Variants in PCSK5 observed in about 807,000 individuals in gnomAD.
PCSK5 encodes the protein proprotein convertase subtilisin/kexin type 5.
A neutral mutation model predicts 233.2 loss-of-function variants in PCSK5; 129 were observed. That is an observed-to-expected ratio of 0.55 (90% CI 0.48 to 0.64). The LOEUF (loss-of-function observed/expected upper bound fraction) is 0.64, where lower values mean the gene tolerates loss of function less well. PCSK5 is among the 30% of genes least tolerant of loss of function. PCSK5 has a pLI of 0.00. For synonymous variants in PCSK5, 825 were observed against 879.2 expected, an observed-to-expected ratio of 0.94 and a Z score of 1.09; for missense variants, 2,076 against 2,430.1, an observed-to-expected ratio of 0.85 and a Z score of 3.06.
intron 1 of PCSK5, among the ~76,000 whole-genome samples, chr9:75,916,934 G>C (rs1020709439): frequency 6.6e-6 from 1 of 152,076 alleles, no homozygotes; most frequent in Non-Finnish European, 1.5e-5. Context: ...ACTTTGGGAG[G>C]CCAAGGCGGG....
intron 2 of PCSK5, among the ~76,000 whole-genome samples, chr9:75,959,004 G>A (rs1825218578): frequency 6.6e-6 from 1 of 152,182 alleles, no homozygotes; most frequent in Non-Finnish European, 1.5e-5. Flanking sequence ...GGCAGAAATA[G>A]AAACTTAGGG....
intron 1 of PCSK5, among the ~76,000 whole-genome samples, chr9:75,907,712 G>A (rs575659475): frequency 6.6e-6 from 1 of 152,250 alleles, no homozygotes; most frequent in African/African-American, 2.4e-5. Context: ...ATCTCCTTGG[G>A]GTGGCAGTGA....
rs191911686 is a variant in PCSK5, at chr9:76,168,337, C to T, written c.1620-1367C>T. ...CTAATTTTTGTATTTTTAGTAGAGA[C>T]GGGGTTTCACCATGTTGGCCAGACT... is the stretch of plus-strand genomic sequence containing the variant. On this transcript the variant is annotated intron_variant, in intron 12 of 37. Transcript: ENST00000674117. Among the ~76,000 whole-genome samples, 20 of 152,190 alleles carry T rather than the reference C, an allele frequency of 1.3e-4. No homozygotes were observed. In the East Asian group the frequency reaches 3.5e-3, roughly 26 times the overall value.
intron 2 of PCSK5, among the ~76,000 whole-genome samples, chr9:75,941,362 C>T (rs1303416938): frequency 3.3e-5 from 5 of 152,122 alleles, no homozygotes; most frequent in Admixed American, 1.3e-4. Context: ...GTGTTTTCTT[C>T]GGGTACGTAC....
Position 76,023,718 on chromosome 9 carries a change from G to A in PCSK5, c.412-20G>A, listed in dbSNP as rs140598400. 8.2e-6 allele frequency: 13 copies of A among 1,584,416 alleles called. No individual in the cohort carries two copies. In the African/African-American group the frequency reaches 1.4e-4, roughly 17 times the overall value. On this transcript the variant is annotated intron_variant, in intron 3 of 37. Coordinates refer to ENST00000674117, the MANE Select transcript of PCSK5 (RefSeq NM_001372043.1). The stretch of plus-strand genomic sequence containing the variant: ...TTCCTCACTATTTAGTAATCTTGCA[G>A]CATGCTCTTCTTCTTTCAGCACTGC...
chr9:75,973,798 C>A (rs1225670892), intron 2 of PCSK5, among the ~76,000 whole-genome samples: 1 of 152,190 alleles, frequency 6.6e-6, no homozygotes, highest in Non-Finnish European at 1.5e-5. Flanking sequence ...TGGTCAAGGC[C>A]AACTCTCATT....
chr9:76,290,098 T>C (rs887000422), intron 24 of PCSK5, among the ~76,000 whole-genome samples: 3 of 152,320 alleles, frequency 2.0e-5, no homozygotes, highest in East Asian at 1.9e-4. Context: ...GAGTCAAATA[T>C]GTTCATTAGG....
chr9:76,298,640 T>A (rs1828514995), intron 27 of PCSK5, among the ~76,000 whole-genome samples: 1 of 79,564 alleles, frequency 1.3e-5, no homozygotes, highest in Admixed American at 1.5e-4. Context: ...TTCTCCTGAC[T>A]TCTTTTGCTT....
At chr9:76,290,913 T>A (rs1000783129) in intron 24 of PCSK5, among the ~76,000 whole-genome samples, 1 of 152,234 alleles carries the variant, frequency 6.6e-6, no homozygotes, top group Non-Finnish European at 1.5e-5. Context: ...ACAACCATCT[T>A]GTCCAACCAG....
At chr9:75,945,043 A>C (rs1181940817) in intron 2 of PCSK5, among the ~76,000 whole-genome samples, 1 of 151,736 alleles carries the variant, frequency 6.6e-6, no homozygotes, top group East Asian at 1.9e-4. Context: ...CGGGAGGTGG[A>C]GGTTGTGGTG....
intron 24 of PCSK5, among the ~76,000 whole-genome samples, chr9:76,241,092 G>A (rs1240337630): frequency 6.6e-6 from 1 of 152,158 alleles, no homozygotes; most frequent in Non-Finnish European, 1.5e-5. Flanking sequence ...TAACTCACTT[G>A]ATGTGTAAAA....
At chr9:76,111,588 A>AT (rs551509061) in intron 9 of PCSK5, among the ~76,000 whole-genome samples, 42 of 150,246 alleles carry the variant, frequency 2.8e-4, no homozygotes, top group Non-Finnish European at 5.6e-4. Flanking sequence ...TTTTTTCTGG[A>AT]TTTTTTTTGG....
chr9:76,139,582 G>A (rs746801128), intron 10 of PCSK5, among the ~76,000 whole-genome samples: 14 of 151,880 alleles, frequency 9.2e-5, no homozygotes, highest in Non-Finnish European at 1.9e-4. Flanking sequence ...AAAGACAGAG[G>A]GAAGTAAATA....
At chr9:75,999,674 C>A (rs1827182725) in intron 3 of PCSK5, among the ~76,000 whole-genome samples, 1 of 152,346 alleles carries the variant, frequency 6.6e-6, no homozygotes, top group East Asian at 1.9e-4. Flanking sequence ...AAATCCACAA[C>A]CTTCCAGCTT....
At chr9:76,298,706 A>C (rs1036620861) in intron 27 of PCSK5, among the ~76,000 whole-genome samples, 1 of 152,180 alleles carries the variant, frequency 6.6e-6, no homozygotes, top group African/African-American at 2.4e-5. Context: ...GAGAACAAGC[A>C]CTAATTAGCC....
At chr9:76,113,236 G>T (rs955141187) in intron 9 of PCSK5, among the ~76,000 whole-genome samples, 1 of 152,098 alleles carries the variant, frequency 6.6e-6, no homozygotes, top group Non-Finnish European at 1.5e-5. Flanking sequence ...TCTACCTTTT[G>T]TCTTTGGAGG....
chr9:76,030,488 A>G lies in PCSK5; in HGVS notation c.632+3451A>G, dbSNP rs530775571. On this transcript the variant is annotated intron_variant, in intron 5 of 37. Coordinates refer to ENST00000674117, the MANE Select transcript of PCSK5 (RefSeq NM_001372043.1). The stretch of plus-strand genomic sequence containing the variant: ...TACCTCTGTGACACACAATAATCCA[A>G]CATAACAATTATAATTATTACTGAT... Among the ~76,000 whole-genome samples the G allele has an allele frequency of 4.6e-5, 7 of 152,310 alleles. No individual in the cohort carries two copies. In the East Asian group the frequency reaches 1.4e-3, roughly 29 times the overall value.
chr9:76,076,274 G>C (rs1007078498), intron 7 of PCSK5, among the ~76,000 whole-genome samples: 4 of 152,098 alleles, frequency 2.6e-5, no homozygotes, highest in Non-Finnish European at 4.4e-5. Context: ...GGAGGGGAAG[G>C]CAGGGGCCAG....
chr9:76,009,531 G>A (rs1445005473), intron 3 of PCSK5, among the ~76,000 whole-genome samples: 1 of 151,766 alleles, frequency 6.6e-6, no homozygotes, highest in Non-Finnish European at 1.5e-5. Context: ...GGAGGCTGAG[G>A]CAGGAGAATC....
Sources: gnomAD v4.1 joint callset for allele counts (sites outside exome capture counted in the v4.1 genomes callset) on GRCh38, gnomAD v4.1.1 for gene constraint, MANE v1.5 for transcripts, NCBI Gene and HGNC (gene_info 2026-07-23, HGNC 2026-07-21) for gene names.